The following ADCY10 variants were observed in gnomAD, a reference collection of about 807,000 sequenced individuals.
The protein encoded by ADCY10 is adenylate cyclase type 10.
ADCY10 carries 156 observed loss-of-function variants against 183.3 expected under a neutral mutation model. The observed-to-expected ratio is 0.85, with a 90% CI of 0.75 to 0.97. ADCY10 has a LOEUF of 0.97. Among genes scored for constraint, ADCY10 ranks in the 50% least tolerant of loss-of-function variants. ADCY10 has a pLI of 0.00. For missense variants in ADCY10, 1,745 were observed against 1,934.3 expected, an observed-to-expected ratio of 0.90 and a Z score of 1.84; for synonymous variants, 645 against 670.0, an observed-to-expected ratio of 0.96 and a Z score of 0.58.
intron 21 of ADCY10, among the ~76,000 whole-genome samples, chr1:167,838,571 T>C (rs936109552): frequency 6.6e-6 from 1 of 152,234 alleles, no homozygotes; most frequent in African/African-American, 2.4e-5. Flanking sequence ...ACCAACATTC[T>C]AAATGTTGGT....
intron 26 of ADCY10, among the ~76,000 whole-genome samples, chr1:167,828,727 C>A (rs1663492737): frequency 6.6e-6 from 1 of 152,126 alleles, no homozygotes; most frequent in African/African-American, 2.4e-5. Flanking sequence ...TTTGGAAGGC[C>A]AGTGTGGGCA....
At chr1:167,907,155 C>G (rs752984220) in intron 1 of ADCY10, among the ~76,000 whole-genome samples, 2 of 152,134 alleles carry the variant, frequency 1.3e-5, no homozygotes, top group Non-Finnish European at 2.9e-5. Context: ...TGTCAGTAAT[C>G]TCAAAAAACC....
At chr1:167,843,144 A>G (rs982994512) in intron 21 of ADCY10, among the ~76,000 whole-genome samples, 6 of 152,218 alleles carry the variant, frequency 3.9e-5, no homozygotes, top group African/African-American at 1.4e-4. Context: ...ATTTGGTCAT[A>G]TATGTTCCAG....
intron 26 of ADCY10, 28 bp downstream of exon 26, chr1:167,829,239 T>G (rs751092146): frequency 1.9e-6 from 3 of 1,613,318 alleles, no homozygotes; most frequent in African/African-American, 2.7e-5. Flanking sequence ...TTCAGAAACT[T>G]AAAGGAGCAG....
intron 3 of ADCY10, 33 bp from the exon 4 acceptor site, chr1:167,902,087 T>C (rs775249326): frequency 1.3e-6 from 2 of 1,593,692 alleles, no homozygotes; most frequent in South Asian, 1.1e-5. Flanking sequence ...AATCAAACCC[T>C]GATTCCTTAA....
chr1:167,844,338 A>G (rs547829115), intron 21 of ADCY10, among the ~76,000 whole-genome samples: 1 of 152,300 alleles, frequency 6.6e-6, no homozygotes, highest in Non-Finnish European at 1.5e-5. Context: ...CTGTTTTCCA[A>G]AAAGGGAGAT....
At chr1:167,825,224 A>AT (rs1242205822) in intron 26 of ADCY10, among the ~76,000 whole-genome samples, 6 of 152,024 alleles carry the variant, frequency 3.9e-5, no homozygotes, top group Admixed American at 1.3e-4. Flanking sequence ...GGGAGGAGAG[A>AT]TTTTACTTTA....
Position 167,880,484 on chromosome 1 carries a change from TACTC to T in ADCY10, c.1139+3_1139+6del. ...GACCGCTGGGTGGGACCAGGGTCAA[TACTC>T]ACTGGATTTTGTGGACTTGAGAGCA... On this transcript the variant is annotated splice_donor_5th_base_variant and intron_variant, in intron 10 of 32. Transcript: ENST00000367851. 6.2e-7 allele frequency: 1 copy of T among 1,605,862 alleles called. No homozygotes were observed. The highest frequency in any genetic ancestry group is 2.2e-5 in the East Asian group (1 of 44,858).
rs1350181451 is a variant in ADCY10, at chr1:167,899,404, G to C, written c.642+19C>G. ...TACAGGCTGGCAGAACTTTCTGTAAGTAGCAGCATCACACCCACCTTAACT... is the reference window on the plus strand; with the variant it reads ...TACAGGCTGGCAGAACTTTCTGTAACTAGCAGCATCACACCCACCTTAACT... On this transcript the variant is annotated intron_variant, in intron 6 of 32. Coordinates refer to ENST00000367851, the MANE Select transcript of ADCY10 (RefSeq NM_018417.6). 2 of 1,613,244 alleles carry C rather than the reference G, an allele frequency of 1.2e-6. No individual in the cohort carries two copies.
intron 21 of ADCY10, among the ~76,000 whole-genome samples, chr1:167,840,459 C>T (rs535703967): frequency 4.0e-5 from 6 of 151,166 alleles, no homozygotes; most frequent in East Asian, 1.9e-4. Flanking sequence ...TGGATTCAAG[C>T]GATTCTCCTG....
intron 12 of ADCY10, among the ~76,000 whole-genome samples, chr1:167,878,182 G>A (rs567756317): frequency 1.3e-5 from 2 of 152,254 alleles, no homozygotes; most frequent in Admixed American, 1.3e-4. Context: ...CAAATGAGAG[G>A]ATTTTTTGTT....
intron 3 of ADCY10, among the ~76,000 whole-genome samples, chr1:167,902,461 CA>C: frequency 6.6e-6 from 1 of 152,200 alleles, no homozygotes; most frequent in African/African-American, 2.4e-5. Flanking sequence ...AACTAGGAGT[CA>C]GGGAATGGGA....
At chr1:167,874,883 T>C (rs963364619) in intron 13 of ADCY10, among the ~76,000 whole-genome samples, 1 of 152,330 alleles carries the variant, frequency 6.6e-6, no homozygotes, top group East Asian at 1.9e-4. Flanking sequence ...AATTATACAA[T>C]GTATGATTCC....
chr1:167,822,734 A>G (rs1662989662), intron 29 of ADCY10, among the ~76,000 whole-genome samples: 1 of 152,228 alleles, frequency 6.6e-6, no homozygotes, highest in African/African-American at 2.4e-5. Flanking sequence ...GTCAGCCACT[A>G]TCACTTAGGT....
At chr1:167,872,701 A>G (rs1022988795) in intron 13 of ADCY10, among the ~76,000 whole-genome samples, 3 of 150,636 alleles carry the variant, frequency 2.0e-5, no homozygotes, top group African/African-American at 7.4e-5. Flanking sequence ...TTATAGCTTG[A>G]AGGAAAGGTA....
At chr1:167,884,918 G>A (rs1415858469) in intron 8 of ADCY10, among the ~76,000 whole-genome samples, 1 of 151,870 alleles carries the variant, frequency 6.6e-6, no homozygotes, top group African/African-American at 2.4e-5. Context: ...GACTGGTCTC[G>A]AACTCCTGAC....
At chr1:167,872,380 A>AG (rs398103343) in intron 13 of ADCY10, among the ~76,000 whole-genome samples, 1 of 149,908 alleles carries the variant, frequency 6.7e-6, no homozygotes. Context: ...AAAAAAAAAA[A>AG]GCCTGCATAG....
chr1:167,885,346 C>T lies in ADCY10; in HGVS notation c.829-1718G>A, dbSNP rs921087883. ...GATTGTATGGTAGCTCTATTTTTAG[C>T]TTTTTGAGGAACTTTCAAACTGTTC... On this transcript the variant is annotated intron_variant, in intron 8 of 32. Transcript: ENST00000367851. Among the ~76,000 whole-genome samples, 5 of 152,080 alleles carry T rather than the reference C, an allele frequency of 3.3e-5. No homozygotes were observed. In the East Asian group the frequency reaches 7.7e-4, roughly 23 times the overall value.
At chr1:167,812,858 A>T (rs1662306184) in intron 31 of ADCY10, among the ~76,000 whole-genome samples, 1 of 152,220 alleles carries the variant, frequency 6.6e-6, no homozygotes, top group Non-Finnish European at 1.5e-5. Flanking sequence ...GAAAACTGCA[A>T]TAACTAAAAT....
Sources: gnomAD v4.1 joint callset for allele counts (sites outside exome capture counted in the v4.1 genomes callset) on GRCh38, gnomAD v4.1.1 for gene constraint, MANE v1.5 for transcripts, NCBI Gene and HGNC (gene_info 2026-07-23, HGNC 2026-07-21) for gene names.